Variants in NDE1 observed in about 807,000 individuals in gnomAD.
NDE1 encodes nudE neurodevelopment protein 1, also known as nuclear distribution protein nudE homolog 1.
In NDE1, 28 loss-of-function variants were observed where a neutral mutation model predicts 43.4. The ratio of observed to expected loss-of-function variants is 0.65; its 90% CI spans 0.48 to 0.89. NDE1 has a LOEUF of 0.89. Ranked by LOEUF, NDE1 falls within the 40% of genes least tolerant of loss-of-function variation. NDE1 has a pLI of 0.00. For synonymous variants in NDE1, 184 were observed against 172.0 expected, an observed-to-expected ratio of 1.07 and a Z score of -0.55; for missense variants, 441 against 434.1, an observed-to-expected ratio of 1.02 and a Z score of -0.14.
At chr16:15,706,249 C>CGAGA (rs1474071202) in intron 8 of NDE1, among the ~76,000 whole-genome samples, 2 of 152,200 alleles carry the variant, frequency 1.3e-5, no homozygotes, top group African/African-American at 4.8e-5. Context: ...CCATCCTTCT[C>CGAGA]TCTCTAGATG....
chr16:15,665,598 C>G (rs2037261534), intron 2 of NDE1, among the ~76,000 whole-genome samples: 1 of 151,780 alleles, frequency 6.6e-6, no homozygotes, highest in Non-Finnish European at 1.5e-5. Flanking sequence ...CACCCACCAC[C>G]ACGCCTGGCT....
chr16:15,669,456 G>T (rs1363683050), intron 3 of NDE1, among the ~76,000 whole-genome samples: 1 of 151,504 alleles, frequency 6.6e-6, no homozygotes, highest in Non-Finnish European at 1.5e-5. Context: ...CCACCTCCTG[G>T]GTTCAAGTGA....
At chr16:15,708,022 G>A (rs1004752490) in intron 8 of NDE1, among the ~76,000 whole-genome samples, 2 of 151,300 alleles carry the variant, frequency 1.3e-5, no homozygotes, top group African/African-American at 4.9e-5. Context: ...GCTTTCTTGG[G>A]AAGGGCCCTG....
At chr16:15,693,962 C>T (rs928018306) in intron 6 of NDE1, among the ~76,000 whole-genome samples, 7 of 152,108 alleles carry the variant, frequency 4.6e-5, no homozygotes, top group Non-Finnish European at 7.3e-5. Flanking sequence ...TTGTTGCAGT[C>T]ATCACAAGGA....
intron 3 of NDE1, among the ~76,000 whole-genome samples, chr16:15,671,239 C>T (rs918539653): frequency 3.9e-5 from 6 of 152,072 alleles, no homozygotes; most frequent in Admixed American, 2.0e-4. Flanking sequence ...CATGGTGGTT[C>T]ATACTTGTAA....
At chr16:15,684,942 T>TTCCCTG (rs2038363445) in intron 4 of NDE1, among the ~76,000 whole-genome samples, 1 of 152,242 alleles carries the variant, frequency 6.6e-6, no homozygotes, top group African/African-American at 2.4e-5. Flanking sequence ...TGATCTCTTT[T>TTCCCTG]ACAGAGTTCC....
intron 5 of NDE1, among the ~76,000 whole-genome samples, chr16:15,688,950 G>A (rs1462804160): frequency 2.0e-5 from 3 of 151,756 alleles, no homozygotes; most frequent in Admixed American, 1.3e-4. Flanking sequence ...TGCCTGCCTC[G>A]GCCTCCCAAA....
At chr16:15,700,737 C>T (rs537294294) in intron 8 of NDE1, among the ~76,000 whole-genome samples, 13 of 152,166 alleles carry the variant, frequency 8.5e-5, no homozygotes, top group Admixed American at 8.5e-4. Context: ...AGGCCTGAGC[C>T]ACCGTGCCTG....
intron 2 of NDE1, among the ~76,000 whole-genome samples, 198 bp downstream of exon 2, chr16:15,665,059 CTTT>C (rs998621381): frequency 7.0e-6 from 1 of 141,910 alleles, no homozygotes; most frequent in Non-Finnish European, 1.5e-5. Context: ...TCAGGCCAGG[CTTT>C]TTTTTTTTTG....
Position 15,708,702 on chromosome 16 carries a change from T to C in NDE1, c.947+11842T>C, listed in dbSNP as rs970919485. Reference sequence around the variant, plus strand: ...AGATTTTGCAAGAATCTCGTGGAAATGTGCAAGGGTTTAAAAATTGGGGTG... The same window carrying C: ...AGATTTTGCAAGAATCTCGTGGAAACGTGCAAGGGTTTAAAAATTGGGGTG... On this transcript the variant is annotated intron_variant, in intron 8 of 8. Transcript: ENST00000396354. 33 of 1,263,760 alleles carry C rather than the reference T, an allele frequency of 2.6e-5. No individual in the cohort carries two copies. In the African/African-American group the frequency reaches 4.9e-4, roughly 19 times the overall value. The allele number at this position is 1,263,760 out of a possible 1,614,324, so 78.3% of individuals were successfully genotyped here.
upstream of NDE1, among the ~76,000 whole-genome samples, chr16:15,647,515 T>C (rs1596532513): frequency 7.6e-6 from 1 of 131,026 alleles, no homozygotes; most frequent in Non-Finnish European, 1.5e-5. Context: ...GTCTCCTCTC[T>C]ACAGTGGCCT....
At chr16:15,703,297 A>G (rs2039284426) in intron 8 of NDE1, 1 of 226,760 alleles carries the variant, frequency 4.4e-6, no homozygotes, top group Admixed American at 5.3e-5. Context: ...TGTGGAAACC[A>G]GGAGAGGGGG....
At chr16:15,695,817 G>A (rs1455014546) in intron 7 of NDE1, 1 of 592,892 alleles carries the variant, frequency 1.7e-6, no homozygotes, top group Non-Finnish European at 2.1e-6. Flanking sequence ...GGAGTATAGA[G>A]AAGCCTGGGG....
At chr16:15,671,033 G>GA (rs2037567866) in intron 3 of NDE1, among the ~76,000 whole-genome samples, 2 of 152,134 alleles carry the variant, frequency 1.3e-5, no homozygotes, top group African/African-American at 2.4e-5. Flanking sequence ...GCCTTCAGGG[G>GA]TTTTTGTTCA....
intron 3 of NDE1, among the ~76,000 whole-genome samples, chr16:15,673,870 G>A (rs181751425): frequency 1.2e-4 from 18 of 152,246 alleles, no homozygotes; most frequent in Admixed American, 1.0e-3. Flanking sequence ...GCACGGGAAC[G>A]GGCAGGTGAT....
At chr16:15,693,751 A>G (rs2038871244) in intron 6 of NDE1, among the ~76,000 whole-genome samples, 1 of 152,120 alleles carries the variant, frequency 6.6e-6, no homozygotes, top group Non-Finnish European at 1.5e-5. Flanking sequence ...ACCAGCCTGG[A>G]CAACGTGATG....
At position 15,721,587 on chromosome 16, in the gene NDE1, C is replaced by T; in HGVS notation, c.948-2604C>T. ...CCCTGGCTTCTGCCTCAGCTCTGTC[C>T]CTCTCATCCGCGTATTTGGAAGAGA... On this transcript the variant is annotated intron_variant, in intron 8 of 8. Transcript: ENST00000396354. 6.2e-7 allele frequency: 1 copy of T among 1,614,178 alleles called. No individual in the cohort carries two copies. The highest frequency in any genetic ancestry group is 1.3e-5 in the African/African-American group (1 of 75,052).
chr16:15,725,232 T>TG lies in NDE1; in HGVS notation c.*982dup, dbSNP rs2151220746. 1.7e-6 allele frequency: 1 copy of TG among 602,880 alleles called. No individual in the cohort carries two copies. Among genetic ancestry groups the TG allele is most frequent in the African/African-American group, 1.9e-5 (1 of 53,874 alleles). The allele number at this position is 602,880 out of a possible 1,614,324, so 37.3% of individuals were successfully genotyped here. A position where few individuals can be genotyped will look rare whatever the true frequency, so the allele number is the denominator to read the frequency against. On this transcript the variant is annotated 3_prime_UTR_variant, in exon 9 of 9. Transcript: ENST00000396354. ...GAGTTGGGACCCTGGCCCTAGACTC[T>TG]GTGGTTCTAAGAACTTATTTGAGCC... is the stretch of plus-strand genomic sequence containing the variant.
In NDE1 at chr16:15,665,931, T is replaced by G. The variant is rs565338194; in HGVS notation, c.83+1070T>G. Reference sequence around the variant, plus strand: ...ACCACCATGCCCAGCTAATTTTGTATTTTTAGTAGAGACGGGGTTTCTCCA... The same window carrying G: ...ACCACCATGCCCAGCTAATTTTGTAGTTTTAGTAGAGACGGGGTTTCTCCA... On this transcript the variant is annotated intron_variant, in intron 2 of 8. Transcript: ENST00000396354. Among the ~76,000 whole-genome samples, 3 of 152,152 alleles carry G rather than the reference T, an allele frequency of 2.0e-5. No individual in the cohort carries two copies. The East Asian group carries it at 5.8e-4, about 30-fold the overall frequency.
Sources: gnomAD v4.1 joint callset for allele counts (sites outside exome capture counted in the v4.1 genomes callset) on GRCh38, gnomAD v4.1.1 for gene constraint, MANE v1.5 for transcripts, NCBI Gene and HGNC (gene_info 2026-07-23, HGNC 2026-07-21) for gene names.